CNTN5: variants seen among roughly 807,000 people sequenced by gnomAD.
CNTN5 encodes contactin 5, also known as contactin-5.
Under a neutral mutation model 129.1 loss-of-function variants are expected in CNTN5, and 77 were observed. That is an observed-to-expected ratio of 0.60 (90% CI 0.50 to 0.72). The LOEUF is 0.72. CNTN5 is among the 30% of genes least tolerant of loss of function. The probability of loss-of-function intolerance (pLI) is 0.00; values close to 1 mark genes in which losing one functional copy is unlikely to be tolerated. For missense variants in CNTN5, 1,478 were observed against 1,328.8 expected (o/e 1.11, Z -1.75); for synonymous variants, 509 against 465.6 (o/e 1.09, Z -1.20).
Position 99,481,394 on chromosome 11 carries a change from A to G in CNTN5, c.-70-74751A>G, listed in dbSNP as rs12577322. Among the ~76,000 whole-genome samples, 706 of 152,266 alleles carry G rather than the reference A, an allele frequency of 4.6e-3. 20 individuals are homozygous for G. The East Asian group carries it at 0.091, about 20-fold the overall frequency. ...GAGTGCTCTATTTTCTGAGCCTCTA[A>G]TAATTTTGTTTTTGTTCTGTTTTTC... On this transcript the variant is annotated intron_variant, in intron 2 of 24. Coordinates refer to ENST00000524871, the MANE Select transcript of CNTN5 (RefSeq NM_014361.4).
chr11:100,025,446 C>T (rs1200985525), intron 9 of CNTN5, among the ~76,000 whole-genome samples: 1 of 152,200 alleles, frequency 6.6e-6, no homozygotes, highest in African/African-American at 2.4e-5. Flanking sequence ...GGAGACACCC[C>T]CTGCAGAGTC....
chr11:100,305,659 C>T (rs1023017819), intron 20 of CNTN5, among the ~76,000 whole-genome samples: 2 of 151,602 alleles, frequency 1.3e-5, no homozygotes, highest in Non-Finnish European at 3.0e-5. Flanking sequence ...AGTTTCAATG[C>T]AAGCCAGATG....
intron 1 of CNTN5, among the ~76,000 whole-genome samples, chr11:99,087,519 T>G (rs1281658132): frequency 6.6e-6 from 1 of 152,180 alleles, no homozygotes; most frequent in African/African-American, 2.4e-5. Context: ...ATTGCAATGT[T>G]GCAGGAGGAA....
intron 13 of CNTN5, among the ~76,000 whole-genome samples, chr11:100,174,286 A>C (rs1947900848): frequency 6.6e-6 from 1 of 152,124 alleles, no homozygotes; most frequent in African/African-American, 2.4e-5. Flanking sequence ...AAAGTAAATT[A>C]AAACTTTTGA....
chr11:100,278,476 T>C (rs2138808926), intron 18 of CNTN5, among the ~76,000 whole-genome samples: 1 of 152,218 alleles, frequency 6.6e-6, no homozygotes, highest in South Asian at 2.1e-4. Context: ...TTGTGTCCTT[T>C]TCAATGTATT....
intron 7 of CNTN5, among the ~76,000 whole-genome samples, chr11:99,951,432 C>T (rs989368908): frequency 6.6e-6 from 1 of 152,016 alleles, no homozygotes; most frequent in Non-Finnish European, 1.5e-5. Context: ...CACCCCAAAT[C>T]TAGGAGCCAA....
chr11:99,919,322 G>A (rs542969905), intron 7 of CNTN5, among the ~76,000 whole-genome samples: 1 of 151,874 alleles, frequency 6.6e-6, no homozygotes, highest in South Asian at 2.1e-4. Flanking sequence ...CCCTTCTTCT[G>A]CATTTTTATC....
chr11:99,923,282 T>C (rs1949980616), intron 7 of CNTN5, among the ~76,000 whole-genome samples: 1 of 152,158 alleles, frequency 6.6e-6, no homozygotes, highest in South Asian at 2.1e-4. Context: ...AATAAATATA[T>C]ATATTTAAAA....
intron 13 of CNTN5, among the ~76,000 whole-genome samples, chr11:100,175,333 TTAAGA>T (rs1318407357): frequency 1.3e-5 from 2 of 152,094 alleles, no homozygotes; most frequent in East Asian, 3.9e-4. Context: ...TTTGTAAGTG[TTAAGA>T]TAAGGTATCA....
chr11:99,121,555 G>T (rs1005422577), intron 1 of CNTN5, among the ~76,000 whole-genome samples: 1 of 151,720 alleles, frequency 6.6e-6, no homozygotes, highest in Non-Finnish European at 1.5e-5. Context: ...AGCCTCCCAG[G>T]GCAGTAAAGT....
At chr11:99,042,265 C>T (rs1004774748) in intron 1 of CNTN5, among the ~76,000 whole-genome samples, 21 of 151,132 alleles carry the variant, frequency 1.4e-4, no homozygotes, top group Middle Eastern at 3.5e-3. Flanking sequence ...AAATACCTAA[C>T]GTAGATGACG....
intron 3 of CNTN5, among the ~76,000 whole-genome samples, chr11:99,761,898 C>T: frequency 9.6e-6 from 1 of 103,794 alleles, no homozygotes; most frequent in Non-Finnish European, 2.1e-5. Flanking sequence ...AAAAGTGTTC[C>T]TATTTCTCCA....
intron 18 of CNTN5, among the ~76,000 whole-genome samples, chr11:100,295,219 G>A (rs1465458186): frequency 2.0e-5 from 3 of 151,552 alleles, no homozygotes; most frequent in African/African-American, 4.8e-5. Flanking sequence ...TTGAAGATGG[G>A]CTATCTTGTC....
intron 3 of CNTN5, among the ~76,000 whole-genome samples, chr11:99,691,668 A>C (rs1954044889): frequency 6.6e-6 from 1 of 152,126 alleles, no homozygotes; most frequent in Non-Finnish European, 1.5e-5. Context: ...TTTACTTCTG[A>C]ATATGTGAAC....
At chr11:99,138,627 T>A (rs765645861) in intron 1 of CNTN5, among the ~76,000 whole-genome samples, 1 of 152,232 alleles carries the variant, frequency 6.6e-6, no homozygotes, top group Non-Finnish European at 1.5e-5. Context: ...GTAAAACTTT[T>A]GTATAATGAG....
intron 2 of CNTN5, among the ~76,000 whole-genome samples, chr11:99,439,222 G>A (rs1037499759): frequency 6.6e-6 from 1 of 152,062 alleles, no homozygotes; most frequent in African/African-American, 2.4e-5. Context: ...AGCACAGACT[G>A]TTGGAGGAGA....
At chr11:99,955,053 G>C (rs1950765653) in intron 7 of CNTN5, among the ~76,000 whole-genome samples, 1 of 151,858 alleles carries the variant, frequency 6.6e-6, no homozygotes, top group Non-Finnish European at 1.5e-5. Context: ...GTAATTGTTA[G>C]TTGCTTTCTT....
chr11:99,074,713 G>T (rs773619564), intron 1 of CNTN5, among the ~76,000 whole-genome samples: 1 of 152,092 alleles, frequency 6.6e-6, no homozygotes, highest in African/African-American at 2.4e-5. Flanking sequence ...AAAGAGGCTG[G>T]TGTATATTTT....
chr11:99,382,845 C>CTTTTT lies in CNTN5; in HGVS notation c.-71+57387_-71+57391dup, dbSNP rs1163660333. On this transcript the variant is annotated intron_variant, in intron 2 of 24. Transcript: ENST00000524871. Reference sequence around the variant, plus strand: ...ACATCTCACTAGTGTCTCTAAATAACTTTTTTTTTTTTTTTTTTTTTTTTT... The same window carrying CTTTTT: ...ACATCTCACTAGTGTCTCTAAATAACTTTTTTTTTTTTTTTTTTTTTTTTTTTTTT... 6.5e-3 allele frequency among the ~76,000 whole-genome samples: 500 copies of CTTTTT among 76,960 alleles called. 104 individuals are homozygous for CTTTTT. The highest frequency in any genetic ancestry group is 0.011 in the Middle Eastern group (1 of 90). The allele number at this position is 76,960 out of a possible 152,430, so 50.5% of individuals were successfully genotyped here.
Sources: gnomAD v4.1 joint callset for allele counts (sites outside exome capture counted in the v4.1 genomes callset) on GRCh38, gnomAD v4.1.1 for gene constraint, MANE v1.5 for transcripts, NCBI Gene and HGNC (gene_info 2026-07-23, HGNC 2026-07-21) for gene names.